ABHD8: variants seen among roughly 807,000 people sequenced by gnomAD.
The protein encoded by ABHD8 is protein ABHD8.
A neutral mutation model predicts 29.3 loss-of-function variants in ABHD8; 10 were observed. The ratio of observed to expected loss-of-function variants is 0.34; its 90% CI spans 0.21 to 0.58. The LOEUF (loss-of-function observed/expected upper bound fraction) is 0.58. Ranked by LOEUF, ABHD8 falls within the 20% of genes least tolerant of loss-of-function variation. The pLI is 0.85. For missense variants in ABHD8, 556 were observed against 615.3 expected (o/e 0.90, Z 1.02); for synonymous variants, 282 against 274.6 (o/e 1.03, Z -0.27).
intron 2 of ABHD8, among the ~76,000 whole-genome samples, chr19:17,299,353 A>G (rs1054160365): frequency 2.0e-5 from 3 of 151,218 alleles, no homozygotes; most frequent in Non-Finnish European, 2.9e-5. Flanking sequence ...CGAGGTCAGG[A>G]GATCGAGACC....
At chr19:17,294,137 G>GC in intron 4 of ABHD8, 151 bp downstream of exon 4, 1 of 897,358 alleles carries the variant, frequency 1.1e-6, no homozygotes, top group Non-Finnish European at 1.7e-6. Flanking sequence ...ACAAGATACA[G>GC]CAACTAGAGG....
rs1555720796 is a variant in ABHD8, at chr19:17,299,240, C to CG, written c.761+1615_761+1616insC. The stretch of plus-strand genomic sequence containing the variant: ...GCCTGGGCAACATAATGAGACCCCC[C>CG]CCCCATTCTCTATATAATTTTTTTT... On this transcript the variant is annotated intron_variant, in intron 2 of 4. Coordinates refer to ENST00000247706, the MANE Select transcript of ABHD8 (RefSeq NM_024527.5). 1.0e-3 allele frequency among the ~76,000 whole-genome samples: 155 copies of CG among 148,016 alleles called. 2 individuals are homozygous for CG. The highest frequency in any genetic ancestry group is 3.6e-3 in the Middle Eastern group (1 of 274).
intron 2 of ABHD8, among the ~76,000 whole-genome samples, chr19:17,295,573 A>C (rs1358488674): frequency 6.6e-6 from 1 of 151,486 alleles, no homozygotes; most frequent in African/African-American, 2.4e-5. Flanking sequence ...CACCTGGCTA[A>C]TTTTTGTATT....
At chr19:17,293,103 T>C (rs2074078249) in intron 4 of ABHD8, among the ~76,000 whole-genome samples, 2 of 149,960 alleles carry the variant, frequency 1.3e-5, no homozygotes, top group African/African-American at 4.9e-5. Context: ...TCTTTCTTTT[T>C]TTTTTTTTTT....
chr19:17,292,217 A>C lies in ABHD8; in HGVS notation c.*444T>G. ...CCCCCCCATCCCCCCCCCTTGGGCA[A>C]AAATAGCTCCCAGCGCCGAGGAATG... On this transcript the variant is annotated 3_prime_UTR_variant, in exon 5 of 5. Transcript: ENST00000247706. 2.6e-5 allele frequency: 5 copies of C among 195,650 alleles called. No homozygotes were observed. The highest frequency in any genetic ancestry group is 6.1e-5 in the Admixed American group (1 of 16,474). The allele number at this position is 195,650 out of a possible 1,614,324, so 12.1% of individuals were successfully genotyped here.
rs1006058450 is a variant in ABHD8 at position 17,292,619 on chromosome 19, C to A, written c.*42G>T. On this transcript the variant is annotated 3_prime_UTR_variant, in exon 5 of 5. Transcript: ENST00000247706. Reference sequence around the variant, plus strand: ...TGGCGCAGGCTCGGGCCTCCTCCTGCTGCGGCTGTGCTCACCAAGCGATGC... The same window carrying A: ...TGGCGCAGGCTCGGGCCTCCTCCTGATGCGGCTGTGCTCACCAAGCGATGC... The A allele has an allele frequency of 3.2e-6, 5 of 1,563,340 alleles. No homozygotes were observed. Among genetic ancestry groups the A allele is most frequent in the Non-Finnish European group, 4.3e-6 (5 of 1,155,838 alleles).
rs75694893 is a variant in ABHD8, at chr19:17,302,452, G to T, written c.-9+790C>A. ...TCACATATCCCCAGGGCCTCCTAAG[G>T]CATCTAAAATATGCAAATCTTTGGT... is the stretch of plus-strand genomic sequence containing the variant. On this transcript the variant is annotated intron_variant, in intron 1 of 4. Transcript: ENST00000247706. Among the ~76,000 whole-genome samples the T allele has an allele frequency of 7.5e-3, 1,135 of 152,224 alleles. 6 individuals are homozygous for T. The highest frequency in any genetic ancestry group is 0.025 in the African/African-American group (1,041 of 41,506).
chr19:17,294,525 G>C (rs1199043453), intron 3 of ABHD8, 21 bp from the exon 4 acceptor site: 1 of 1,613,114 alleles, frequency 6.2e-7, no homozygotes, highest in Non-Finnish European at 8.5e-7. Context: ...TGGAGGCACC[G>C]CTAGAGCCCC....
rs2074085195 is a variant in ABHD8, at chr19:17,294,559, G to A, written c.933-55C>T. On this transcript the variant is annotated intron_variant, in intron 3 of 4. Transcript: ENST00000247706. The stretch of plus-strand genomic sequence containing the variant: ...CCTTATGCCAGCCCGACTGCCGTGG[G>A]GTGCCCCCGATGCCAGCCCTAGTCC... 4.1e-5 allele frequency: 66 copies of A among 1,611,004 alleles called. 1 individual carries two copies. In the South Asian group the frequency reaches 7.2e-4, roughly 17 times the overall value.
intron 3 of ABHD8, 78 bp from the exon 4 acceptor site, chr19:17,294,582 TC>T (rs2074085342): frequency 6.2e-7 from 1 of 1,608,976 alleles, no homozygotes; most frequent in African/African-American, 1.3e-5. Flanking sequence ...CCAGCCCTAG[TC>T]CCAGCGGTAC....
intron 4 of ABHD8, among the ~76,000 whole-genome samples, chr19:17,293,980 G>A (rs1286203481): frequency 6.6e-6 from 1 of 152,018 alleles, no homozygotes; most frequent in African/African-American, 2.4e-5. Context: ...ATAGGTCACC[G>A]GTCTCATACA....
chr19:17,292,241 T>TG lies in ABHD8; in HGVS notation c.*419dup, dbSNP rs907465693. 5 of 201,786 alleles carry TG rather than the reference T, an allele frequency of 2.5e-5. No individual in the cohort carries two copies. The highest frequency in any genetic ancestry group is 4.9e-5 in the Non-Finnish European group (5 of 101,462). The allele number at this position is 201,786 out of a possible 1,614,324, so 12.5% of individuals were successfully genotyped here. On this transcript the variant is annotated 3_prime_UTR_variant, in exon 5 of 5. Transcript: ENST00000247706. Reference sequence around the variant, plus strand: ...AAAAATAGCTCCCAGCGCCGAGGAATGGGGGGTAGGAAGGGTCTCGGATAA... The same window carrying TG: ...AAAAATAGCTCCCAGCGCCGAGGAATGGGGGGGTAGGAAGGGTCTCGGATAA...
chr19:17,294,154 C>T, intron 4 of ABHD8, 134 bp downstream of exon 4: 2 of 1,117,856 alleles, frequency 1.8e-6, no homozygotes, highest in Non-Finnish European at 2.5e-6. Flanking sequence ...GAGGCCACGC[C>T]CACCCGGCAG....
rs1309260721 is a variant in ABHD8, at chr19:17,292,409, T to C, written c.*252A>G. On this transcript the variant is annotated 3_prime_UTR_variant, in exon 5 of 5. Transcript: ENST00000247706. ...GGGAGAGCTTCTGTACAAGGTCATCTTCCGTGAGGGTCCCGGCTGCGGCCC... is the reference window on the plus strand; with the variant it reads ...GGGAGAGCTTCTGTACAAGGTCATCCTCCGTGAGGGTCCCGGCTGCGGCCC... 1.9e-6 allele frequency: 1 copy of C among 520,778 alleles called. No homozygotes were observed. Among genetic ancestry groups the C allele is most frequent in the Non-Finnish European group, 3.3e-6 (1 of 300,168 alleles). 32.3% of individuals were successfully genotyped at this position (520,778 alleles called of 1,614,324 possible).
Position 17,298,653 on chromosome 19 carries a change from G to A in ABHD8, c.761+2203C>T, listed in dbSNP as rs866933216. Among the ~76,000 whole-genome samples the A allele has an allele frequency of 4.0e-4, 60 of 151,526 alleles. 1 individual carries two copies. Among genetic ancestry groups the A allele is most frequent in the Middle Eastern group, 3.4e-3 (1 of 294 alleles). ...TTGCATCCAGTGGGCAGAAGCCAGG[G>A]ATGCTACTAAACATCCTATAGCCCC... On this transcript the variant is annotated intron_variant, in intron 2 of 4. Coordinates refer to ENST00000247706, the MANE Select transcript of ABHD8 (RefSeq NM_024527.5).
At chr19:17,296,601 G>A (rs1337013473) in intron 2 of ABHD8, 1 of 152,096 alleles carries the variant, frequency 6.6e-6, no homozygotes, top group Non-Finnish European at 1.5e-5. Flanking sequence ...CAAAAGCAGG[G>A]GTCAACAAAC....
chr19:17,300,106 G>A (rs542492541), intron 2 of ABHD8, among the ~76,000 whole-genome samples: 2 of 151,882 alleles, frequency 1.3e-5, no homozygotes, highest in Admixed American at 6.6e-5. Context: ...GGGTTTCACC[G>A]TGTTAGCCAG....
chr19:17,293,048 G>A (rs1319320319), intron 4 of ABHD8, among the ~76,000 whole-genome samples: 1 of 151,950 alleles, frequency 6.6e-6, no homozygotes, highest in East Asian at 1.9e-4. Context: ...CATTTATTAA[G>A]TGTCTACAGT....
intron 2 of ABHD8, among the ~76,000 whole-genome samples, chr19:17,299,902 C>T (rs2074109914): frequency 7.3e-6 from 1 of 137,196 alleles, no homozygotes; most frequent in African/African-American, 2.8e-5. Context: ...GCGTGGTGGC[C>T]CCTTTTTTTT....
Sources: gnomAD v4.1 joint callset for allele counts (sites outside exome capture counted in the v4.1 genomes callset) on GRCh38, gnomAD v4.1.1 for gene constraint, MANE v1.5 for transcripts, NCBI Gene and HGNC (gene_info 2026-07-23, HGNC 2026-07-21) for gene names.